CDK15: variants seen among roughly 807,000 people sequenced by gnomAD.
CDK15 encodes the protein cyclin-dependent kinase 15.
In CDK15, 62 loss-of-function variants were observed where a neutral mutation model predicts 60.3. That is an observed-to-expected ratio of 1.03 (90% CI 0.84 to 1.27). The LOEUF is 1.27. CDK15 is among the 50% of genes most tolerant of loss of function. The pLI is 0.00. For missense variants in CDK15, 541 were observed against 527.8 expected (o/e 1.03, Z -0.25); for synonymous variants, 194 against 195.7 (o/e 0.99, Z 0.07).
chr2:201,868,621 T>A (rs1469147731), intron 10 of CDK15, among the ~76,000 whole-genome samples: 4 of 152,134 alleles, frequency 2.6e-5, no homozygotes, highest in Non-Finnish European at 5.9e-5. Flanking sequence ...CGAGAAAATT[T>A]TTGCAATCTA....
intron 4 of CDK15, among the ~76,000 whole-genome samples, chr2:201,813,899 G>T (rs868393008): frequency 3.9e-5 from 6 of 152,226 alleles, no homozygotes; most frequent in Non-Finnish European, 7.3e-5. Flanking sequence ...CATTCTGGGA[G>T]AAGGCATGGT....
At chr2:201,825,312 C>CAAAA (rs200857853) in intron 6 of CDK15, among the ~76,000 whole-genome samples, 4 of 86,954 alleles carry the variant, frequency 4.6e-5, no homozygotes, top group Admixed American at 1.3e-4. Flanking sequence ...GACTCCAACT[C>CAAAA]AAAAAAAAAA....
intron 12 of CDK15, among the ~76,000 whole-genome samples, chr2:201,886,447 T>C (rs1193476991): frequency 6.6e-6 from 1 of 151,960 alleles, no homozygotes; most frequent in Admixed American, 6.6e-5. Flanking sequence ...CGCCTCAGCC[T>C]CCCGAGTAGC....
At chr2:201,816,991 A>G (rs528141574) in intron 4 of CDK15, among the ~76,000 whole-genome samples, 12 of 152,342 alleles carry the variant, frequency 7.9e-5, no homozygotes, top group Non-Finnish European at 1.5e-4. Flanking sequence ...GCTACCTATG[A>G]GCTGCTACTC....
chr2:201,825,836 G>C (rs1217800118), intron 6 of CDK15, among the ~76,000 whole-genome samples: 1 of 152,210 alleles, frequency 6.6e-6, no homozygotes, highest in Non-Finnish European at 1.5e-5. Context: ...TAATCTGAGG[G>C]AAGGAAGTGA....
chr2:201,806,753 G>A lies in CDK15; in HGVS notation c.89G>A (p.Arg30Lys). The A allele has an allele frequency of 6.3e-7, 1 of 1,598,522 alleles. No homozygotes were observed. Among genetic ancestry groups the A allele is most frequent in the Non-Finnish European group, 8.5e-7 (1 of 1,179,722 alleles). The change falls in exon 1 of 14, where the codon AGG becomes AAG. Residue 30 changes from arginine (R) to lysine (K), a missense_variant. Arg to Lys is a conservative substitution (Grantham distance 26). Coordinates refer to ENST00000652192, the MANE Select transcript of CDK15 (RefSeq NM_001366386.2). The part of the protein sequence containing the change: ...SEGGEAHSCR[R>K]SQPETTEAAF... ...GGAGGCGAGGCACACAGCTGTCGGAGGAGTCAGCCTGAGACCACGGAGGCT... is the reference window on the plus strand; with the variant it reads ...GGAGGCGAGGCACACAGCTGTCGGAAGAGTCAGCCTGAGACCACGGAGGCT...
At chr2:201,886,677 C>T (rs1699462031) in intron 12 of CDK15, among the ~76,000 whole-genome samples, 1 of 151,992 alleles carries the variant, frequency 6.6e-6, no homozygotes. Context: ...GTGACTCATT[C>T]AGTTTTATAA....
chr2:201,859,109 G>A (rs756964850), intron 10 of CDK15, among the ~76,000 whole-genome samples: 32 of 152,158 alleles, frequency 2.1e-4, no homozygotes, highest in Non-Finnish European at 4.6e-4. Context: ...TGGGGGAGGG[G>A]AGAGAGTTTG....
intron 7 of CDK15, among the ~76,000 whole-genome samples, chr2:201,835,336 T>C (rs1414262898): frequency 2.0e-5 from 3 of 152,084 alleles, no homozygotes; most frequent in African/African-American, 7.2e-5. Context: ...AGCAGAACCC[T>C]TAACCCCTCC....
At chr2:201,820,383 G>C (rs1307286496) in intron 4 of CDK15, among the ~76,000 whole-genome samples, 2 of 152,208 alleles carry the variant, frequency 1.3e-5, no homozygotes, top group Non-Finnish European at 2.9e-5. Context: ...GGGGCAAGAA[G>C]CTGGCAAGAA....
chr2:201,854,818 C>G lies in CDK15; in HGVS notation c.946-56C>G, dbSNP rs532275660. 3.4e-6 allele frequency: 5 copies of G among 1,484,248 alleles called. No individual in the cohort carries two copies. In the South Asian group the frequency reaches 5.7e-5, roughly 17 times the overall value. 91.9% of individuals were successfully genotyped at this position (1,484,248 alleles called of 1,614,324 possible). ...TGTCCTGCATGTCTCCATACCTCTT[C>G]CATCCACCTCATCTCCCCACCTCAC... On this transcript the variant is annotated intron_variant, in intron 9 of 13. Transcript: ENST00000652192.
chr2:201,841,372 G>A (rs922035603), intron 8 of CDK15, among the ~76,000 whole-genome samples: 1 of 151,942 alleles, frequency 6.6e-6, no homozygotes, highest in African/African-American at 2.4e-5. Context: ...TGTTTTCCTG[G>A]TAAAACTAAA....
chr2:201,868,786 C>CA (rs1376293721), intron 10 of CDK15, among the ~76,000 whole-genome samples: 13 of 152,130 alleles, frequency 8.5e-5, no homozygotes, highest in African/African-American at 2.4e-4. Flanking sequence ...AAATGTTCAT[C>CA]ATCACTGGTC....
chr2:201,807,810 TTCTC>T (rs1260727011), intron 2 of CDK15, 44 bp from the exon 3 acceptor site: 2 of 1,574,278 alleles, frequency 1.3e-6, no homozygotes, highest in East Asian at 4.5e-5. Context: ...AAAGTGTTCT[TTCTC>T]TCTTCCCTTT....
intron 6 of CDK15, 67 bp from the exon 7 acceptor site, chr2:201,833,781 T>C (rs981596122): frequency 6.4e-7 from 1 of 1,556,424 alleles, no homozygotes; most frequent in Non-Finnish European, 8.7e-7. Flanking sequence ...TGACTGTTTT[T>C]GATTTAGAGG....
At chr2:201,869,668 C>A (rs1162314232) in intron 10 of CDK15, among the ~76,000 whole-genome samples, 1 of 152,002 alleles carries the variant, frequency 6.6e-6, no homozygotes, top group African/African-American at 2.4e-5. Context: ...AGTCAGCTAA[C>A]CCCCAACCCA....
chr2:201,832,048 A>G (rs1183626668), intron 6 of CDK15, among the ~76,000 whole-genome samples: 2 of 142,590 alleles, frequency 1.4e-5, no homozygotes, highest in South Asian at 4.5e-4. Flanking sequence ...ATTGAAAAAC[A>G]TTTTTTTTTT....
intron 3 of CDK15, among the ~76,000 whole-genome samples, chr2:201,811,425 C>T (rs1277414881): frequency 6.6e-6 from 1 of 152,226 alleles, no homozygotes; most frequent in African/African-American, 2.4e-5. Flanking sequence ...GCTGGGATTA[C>T]AGGCGTGAGC....
intron 9 of CDK15, among the ~76,000 whole-genome samples, chr2:201,849,548 G>A (rs1697814891): frequency 6.8e-6 from 1 of 146,814 alleles, no homozygotes. Context: ...AGCCAAGGGG[G>A]AAAAAAAAAA....
Sources: gnomAD v4.1 joint callset for allele counts (sites outside exome capture counted in the v4.1 genomes callset) on GRCh38, gnomAD v4.1.1 for gene constraint, MANE v1.5 for transcripts, NCBI Gene and HGNC (gene_info 2026-07-23, HGNC 2026-07-21) for gene names.